Variants in FRMPD4 observed in about 807,000 individuals in gnomAD.
FRMPD4 encodes FERM and PDZ domain-containing protein 4.
FRMPD4 carries 22 observed loss-of-function variants against 94.1 expected under a neutral mutation model. The ratio of observed to expected loss-of-function variants is 0.23; its 90% CI spans 0.17 to 0.33. The LOEUF (loss-of-function observed/expected upper bound fraction) is 0.33, where lower values mean the gene tolerates loss of function less well. FRMPD4 is among the 10% of genes least tolerant of loss of function. The pLI is 1.00. For synonymous variants in FRMPD4, 631 were observed against 548.6 expected (o/e 1.15, Z -2.10); for missense variants, 1,111 against 1,339.9 (o/e 0.83, Z 2.67).
At chrX:12,671,820 C>A (rs957080290) in intron 4 of FRMPD4, among the ~76,000 whole-genome samples, 6 of 111,357 alleles carry the variant, frequency 5.4e-5, no homozygotes, top group African/African-American at 2.0e-4. Context: ...CAACTATATT[C>A]TTTCCCCGCA....
chrX:12,529,670 A>G (rs1486809372), intron 2 of FRMPD4, among the ~76,000 whole-genome samples: 1 of 112,353 alleles, frequency 8.9e-6, no homozygotes, highest in Non-Finnish European at 1.9e-5. Context: ...AACATGGAAA[A>G]TCTTATAGTA....
chrX:12,639,434 A>C (rs1167888713), intron 4 of FRMPD4, among the ~76,000 whole-genome samples: 1 of 112,348 alleles, frequency 8.9e-6, no homozygotes, highest in East Asian at 2.8e-4. Context: ...ATGAAGAAGA[A>C]TCAATCATCT....
intron 1 of FRMPD4, among the ~76,000 whole-genome samples, chrX:12,319,703 T>A (rs1458057591): frequency 1.8e-5 from 2 of 112,029 alleles, no homozygotes; most frequent in Middle Eastern, 4.2e-3. Flanking sequence ...TCCTCAGGAA[T>A]GTAGCAAGAA....
chrX:12,649,657 C>G (rs1011536310), intron 4 of FRMPD4, among the ~76,000 whole-genome samples: 2 of 112,320 alleles, frequency 1.8e-5, no homozygotes, highest in Admixed American at 1.9e-4. Context: ...ATAATAATAC[C>G]TAAGTCCTAA....
intron 2 of FRMPD4, among the ~76,000 whole-genome samples, chrX:12,532,218 A>G (rs1169291351): frequency 8.9e-6 from 1 of 112,351 alleles, no homozygotes; most frequent in African/African-American, 3.2e-5. Flanking sequence ...ACCCTACCTG[A>G]GCCAACATTT....
At chrX:12,683,055 T>C (rs931275668) in intron 5 of FRMPD4, among the ~76,000 whole-genome samples, 10 of 111,820 alleles carry the variant, frequency 8.9e-5, no homozygotes, top group African/African-American at 3.3e-4. Context: ...GGATTATGAA[T>C]CATTTTAGGA....
chrX:12,414,577 C>A (rs768290540), intron 1 of FRMPD4, among the ~76,000 whole-genome samples: 1 of 111,636 alleles, frequency 9.0e-6, no homozygotes, highest in South Asian at 3.8e-4. Context: ...ACGGACAGGA[C>A]TAAGGAATTC....
chrX:12,285,913 A>G (rs1472177386), intron 1 of FRMPD4, among the ~76,000 whole-genome samples: 2 of 111,708 alleles, frequency 1.8e-5, no homozygotes, highest in Non-Finnish European at 3.8e-5. Flanking sequence ...CAAGTCTGAC[A>G]CTGATTTCCT....
intron 3 of FRMPD4, among the ~76,000 whole-genome samples, chrX:11,944,729 T>C (rs2054179832): frequency 9.1e-6 from 1 of 109,368 alleles, no homozygotes; most frequent in African/African-American, 3.3e-5. Flanking sequence ...CCTCGAGCAA[T>C]GGTGGCAAAT....
intron 2 of FRMPD4, among the ~76,000 whole-genome samples, chrX:12,530,975 G>A (rs2058279833): frequency 9.1e-6 from 1 of 109,759 alleles, no homozygotes; most frequent in African/African-American, 3.3e-5. Context: ...CAAGAGGGAA[G>A]TTAGTTTTAG....
chrX:12,448,134 G>T (rs180823885), intron 1 of FRMPD4, among the ~76,000 whole-genome samples: 178 of 111,659 alleles, frequency 1.6e-3, no homozygotes, highest in African/African-American at 5.5e-3. Context: ...TGGAGTGTTT[G>T]TATACTCAGT....
intron 1 of FRMPD4, among the ~76,000 whole-genome samples, chrX:12,269,092 A>G (rs1401182779): frequency 8.9e-6 from 1 of 112,153 alleles, no homozygotes. Context: ...TGCCATTTCC[A>G]TATTTTTTTA....
At position 11,858,772 on chromosome X, in the gene FRMPD4, AT is replaced by A. The variant is rs1446201688; in HGVS notation, c.-160-6313del. 1.2e-4 allele frequency among the ~76,000 whole-genome samples: 13 copies of A among 111,718 alleles called. No homozygotes were observed. The Admixed American group carries it at 1.2e-3, about 11-fold the overall frequency. On this transcript the variant is annotated intron_variant, in intron 1 of 18. Coordinates refer to the FRMPD4 transcript ENST00000640291. ...CAGAAATTTAAAATAAAAGAAAAAA[AT>A]AAAAATTAAAACTTAAAAGAATGCT... is the stretch of plus-strand genomic sequence containing the variant.
chrX:12,121,428 T>C (rs1461195081), intron 3 of FRMPD4, among the ~76,000 whole-genome samples: 3 of 112,368 alleles, frequency 2.7e-5, no homozygotes, highest in African/African-American at 9.7e-5. Context: ...ATTTCTAACA[T>C]AGTAAATATT....
chrX:12,700,993 A>G (rs956316657), intron 9 of FRMPD4, among the ~76,000 whole-genome samples: 1 of 110,302 alleles, frequency 9.1e-6, no homozygotes, highest in Non-Finnish European at 1.9e-5. Flanking sequence ...TAGCAGTGAC[A>G]GTAGTAAACA....
chrX:12,576,400 G>A (rs1377046162), intron 2 of FRMPD4, among the ~76,000 whole-genome samples: 5 of 112,774 alleles, frequency 4.4e-5, no homozygotes, highest in African/African-American at 1.3e-4. Context: ...CATTAATGCA[G>A]ATCCCTGAGA....
intron 1 of FRMPD4, among the ~76,000 whole-genome samples, chrX:12,165,231 G>T (rs1342642677): frequency 1.8e-5 from 2 of 112,259 alleles, no homozygotes; most frequent in Non-Finnish European, 3.8e-5. Flanking sequence ...TTTGTATAAG[G>T]TGTAAGGAAG....
intron 3 of FRMPD4, among the ~76,000 whole-genome samples, chrX:11,987,610 T>C (rs2054439457): frequency 9.0e-6 from 1 of 111,289 alleles, no homozygotes; most frequent in South Asian, 3.8e-4. Flanking sequence ...GTACCCGAAT[T>C]GGAAAGGAAG....
chrX:12,599,798 T>G (rs1021088056), intron 2 of FRMPD4, among the ~76,000 whole-genome samples: 3 of 111,560 alleles, frequency 2.7e-5, no homozygotes, highest in Non-Finnish European at 5.6e-5. Context: ...TTTTTGCTTT[T>G]GTAGTCCTGT....
Sources: gnomAD v4.1 joint callset for allele counts (sites outside exome capture counted in the v4.1 genomes callset) on GRCh38, gnomAD v4.1.1 for gene constraint, MANE v1.5 for transcripts, NCBI Gene and HGNC (gene_info 2026-07-23, HGNC 2026-07-21) for gene names.